DNAJC10: variants seen among roughly 807,000 people sequenced by gnomAD.
DNAJC10 encodes the protein endoplasmic reticulum disulfide reductase DNAJC10.
In DNAJC10, 101 loss-of-function variants were observed where a neutral mutation model predicts 115.0. The observed-to-expected ratio is 0.88, with a 90% CI of 0.75 to 1.04. The LOEUF (loss-of-function observed/expected upper bound fraction) is 1.04. Ranked by LOEUF, DNAJC10 falls within the 50% of genes least tolerant of loss-of-function variation. DNAJC10 has a pLI of 0.00. For synonymous variants in DNAJC10, 307 were observed against 301.5 expected (o/e 1.02, Z -0.19); for missense variants, 981 against 928.8 (o/e 1.06, Z -0.73).
At chr2:182,740,047 C>G in intron 11 of DNAJC10, 1 of 1,017,276 alleles carries the variant, frequency 9.8e-7, no homozygotes, top group East Asian at 8.3e-5. Context: ...ATTAAAAATT[C>G]CAGTTAATGC....
Position 182,741,315 on chromosome 2 carries a change from C to T in DNAJC10, c.1150C>T (p.Leu384=). 8 of 1,598,172 alleles carry T rather than the reference C, an allele frequency of 5.0e-6. No homozygotes were observed. Among genetic ancestry groups the T allele is most frequent in the Non-Finnish European group, 6.8e-6 (8 of 1,173,108 alleles). Reference sequence around the variant, plus strand: ...AAATGAAAATTCAAATGATCCTGAGCTGAAAAAACTAAAAACTCTACTTAA... The same window carrying T: ...AAATGAAAATTCAAATGATCCTGAGTTGAAAAAACTAAAAACTCTACTTAA... ...GKNENSNDPE[L]KKLKTLLKND... is the part of the protein sequence containing the mutation. The change falls in exon 13 of 24, where the codon CTG becomes TTG. Residue 384 remains leucine, a synonymous_variant. Transcript: ENST00000264065.
intron 2 of DNAJC10, 80 bp downstream of exon 2, chr2:182,717,152 A>T (rs1325137530): frequency 6.6e-6 from 1 of 152,236 alleles, no homozygotes; most frequent in African/African-American, 2.4e-5. Flanking sequence ...TAGATTTTTC[A>T]AAGCATTACG....
intron 22 of DNAJC10, among the ~76,000 whole-genome samples, chr2:182,764,040 T>G (rs934394351): frequency 6.6e-6 from 1 of 151,966 alleles, no homozygotes; most frequent in Non-Finnish European, 1.5e-5. Flanking sequence ...CACTCAAGAG[T>G]GGAAATTTGA....
chr2:182,731,214 A>G (rs572353163), intron 9 of DNAJC10, 107 bp downstream of exon 9: 230 of 688,496 alleles, frequency 3.3e-4, no homozygotes, highest in Non-Finnish European at 4.9e-4. Context: ...AGAAACTACA[A>G]TTTATGCCCA....
rs768978000 is a variant in DNAJC10, at chr2:182,786,433, A to G, written c.*9301A>G. ...TCCTGTTCCCTTCACTGAGGTCATA[A>G]TACTGAATTCTGAAATGGAAATAAT... On this transcript the variant is annotated 3_prime_UTR_variant, in exon 24 of 24. Transcript: ENST00000264065. 12 of 152,190 alleles carry G rather than the reference A, an allele frequency of 7.9e-5. No homozygotes were observed. The highest frequency in any genetic ancestry group is 1.6e-4 in the Non-Finnish European group (11 of 68,026). The allele number at this position is 152,190 out of a possible 1,614,324, so 9.4% of individuals were successfully genotyped here.
Position 182,752,174 on chromosome 2 carries a change from G to A in DNAJC10, c.1537G>A (p.Gly513Arg). The A allele has an allele frequency of 6.5e-7, 1 of 1,545,346 alleles. No homozygotes were observed. ...TACACTAGATTGTACAGTTCATGAG[G>A]GACTCTGTAACATGGTAAGGCAAAG... ...FGTLDCTVHE[G>R]LCNMYNIQAY... The change falls in exon 16 of 24, where the codon GGA becomes AGA. Residue 513 changes from glycine to arginine, a missense_variant. By Grantham distance (125) the Gly-to-Arg change is moderately radical. Transcript: ENST00000264065.
At chr2:182,754,203 C>A (rs1243658578) in intron 16 of DNAJC10, among the ~76,000 whole-genome samples, 1 of 152,156 alleles carries the variant, frequency 6.6e-6, no homozygotes, top group Non-Finnish European at 1.5e-5. Context: ...CTTTGTTAAT[C>A]AGTGAATTAT....
intron 15 of DNAJC10, 90 bp downstream of exon 15, chr2:182,751,875 A>G: frequency 6.6e-7 from 1 of 1,507,448 alleles, no homozygotes. Flanking sequence ...TTGAATCATT[A>G]GTACAAAAAC....
rs373204672 is a variant in DNAJC10 at position 182,718,186 on chromosome 2, C to G, written c.100C>G (p.Gln34Glu). The change falls in exon 3 of 24, where the codon CAG becomes GAG. Residue 34 changes from glutamine (Q) to glutamate (E), a missense_variant. Coordinates refer to ENST00000264065, the MANE Select transcript of DNAJC10 (RefSeq NM_018981.4). The stretch of plus-strand genomic sequence containing the variant: ...TATGGCCATTTTAGTGGGCACAGAT[C>G]AGGATTTTTACAGTTTACTTGGAGT... ...VYMAILVGTD[Q>E]DFYSLLGVSK... The G allele has an allele frequency of 2.5e-6, 4 of 1,613,564 alleles. No homozygotes were observed. Among genetic ancestry groups the G allele is most frequent in the African/African-American group, 1.3e-5 (1 of 75,008 alleles).
rs1559037171 is a variant in DNAJC10, at chr2:182,793,819, A to AACACACAC, written c.*16687_*16688insACACACAC. 1.5e-5 allele frequency: 1 copy of AACACACAC among 67,272 alleles called. No individual in the cohort carries two copies. Among genetic ancestry groups the AACACACAC allele is most frequent in the African/African-American group, 7.7e-5 (1 of 12,990 alleles). 4.2% of individuals were successfully genotyped at this position (67,272 alleles called of 1,614,324 possible). ...CTAAAATTTTCCAGAGAGGAAACAC[A>AACACACAC]TCACACACACACACACACACACACA... On this transcript the variant is annotated 3_prime_UTR_variant, in exon 24 of 24. Transcript: ENST00000264065.
Position 182,739,189 on chromosome 2 carries a change from CATATATATTT to C in DNAJC10, c.988-1091_988-1082del, listed in dbSNP as rs1305837050. ...ATATATATATATATATAGTATATAT[CATATATATTT>C]ATATATATTTATATATATAATATCT... On this transcript the variant is annotated intron_variant, in intron 11 of 23. Coordinates refer to ENST00000264065, the MANE Select transcript of DNAJC10 (RefSeq NM_018981.4). Among the ~76,000 whole-genome samples the C allele has an allele frequency of 4.8e-3, 683 of 142,762 alleles. 5 individuals are homozygous for C. The highest frequency in any genetic ancestry group is 0.016 in the African/African-American group (631 of 39,578). The allele number at this position is 142,762 out of a possible 152,430, so 93.7% of individuals were successfully genotyped here. A position where few individuals can be genotyped will look rare whatever the true frequency, so the allele number is the denominator to read the frequency against.
chr2:182,769,757 C>G (rs1166143875), intron 22 of DNAJC10, among the ~76,000 whole-genome samples: 1 of 151,984 alleles, frequency 6.6e-6, no homozygotes, highest in African/African-American at 2.4e-5. Flanking sequence ...ACATTTTCTC[C>G]CATTCTGTAG....
At chr2:182,769,095 G>A (rs1694491907) in intron 22 of DNAJC10, among the ~76,000 whole-genome samples, 1 of 152,108 alleles carries the variant, frequency 6.6e-6, no homozygotes, top group Non-Finnish European at 1.5e-5. Flanking sequence ...CTGTCCTTGT[G>A]ATAGTTTGCT....
At chr2:182,772,446 G>A (rs1202422404) in intron 22 of DNAJC10, among the ~76,000 whole-genome samples, 2 of 152,130 alleles carry the variant, frequency 1.3e-5, no homozygotes, top group East Asian at 1.9e-4. Flanking sequence ...TTGTGTGGGA[G>A]TCTAAGTGTC....
intron 8 of DNAJC10, among the ~76,000 whole-genome samples, chr2:182,730,212 G>T (rs1042134409): frequency 1.3e-5 from 2 of 152,106 alleles, no homozygotes; most frequent in African/African-American, 2.4e-5. Context: ...TGCAAAAAAT[G>T]TTTTGTAATA....
intron 14 of DNAJC10, 53 bp downstream of exon 14, chr2:182,743,765 A>G: frequency 7.8e-7 from 1 of 1,289,472 alleles, no homozygotes; most frequent in South Asian, 1.3e-5. Context: ...TTCAAATAGA[A>G]GTTTTCTAAT....
intron 2 of DNAJC10, 73 bp downstream of exon 2, chr2:182,717,145 ATT>A (rs1403177822): frequency 6.6e-6 from 1 of 152,202 alleles, no homozygotes; most frequent in African/African-American, 2.4e-5. Flanking sequence ...GGAGCGTTAG[ATT>A]TTTCAAAGCA....
At chr2:182,733,991 T>C (rs1229919428) in intron 10 of DNAJC10, among the ~76,000 whole-genome samples, 1 of 151,404 alleles carries the variant, frequency 6.6e-6, no homozygotes, top group Non-Finnish European at 1.5e-5. Flanking sequence ...ATATTTTGTG[T>C]GTGTGTCTCA....
At chr2:182,759,131 T>C (rs984438038) in intron 20 of DNAJC10, 29 bp from the exon 21 acceptor site, 4 of 1,550,414 alleles carry the variant, frequency 2.6e-6, no homozygotes, top group Non-Finnish European at 3.5e-6. Context: ...TTTTATATAA[T>C]GAAAAATGAT....
Sources: allele counts gnomAD v4.1 joint callset (sites outside exome capture counted in the v4.1 genomes callset), GRCh38; gene constraint gnomAD v4.1.1; transcripts MANE v1.5; gene names NCBI Gene and HGNC (gene_info 2026-07-23, HGNC 2026-07-21).